PHC3: variants seen among roughly 807,000 people sequenced by gnomAD.
PHC3 encodes the protein polyhomeotic homolog 3, also known as polyhomeotic-like protein 3.
Under a neutral mutation model 107.4 loss-of-function variants are expected in PHC3, and 13 were observed. The ratio of observed to expected loss-of-function variants is 0.12; its 90% CI spans 0.08 to 0.19. The LOEUF (loss-of-function observed/expected upper bound fraction) is 0.19, where lower values mean the gene tolerates loss of function less well. Ranked by LOEUF, PHC3 falls within the 10% of genes least tolerant of loss-of-function variation. The probability of loss-of-function intolerance (pLI) is 1.00; values close to 1 mark genes in which losing one functional copy is unlikely to be tolerated. For synonymous variants in PHC3, 456 were observed against 427.4 expected (o/e 1.07, Z -0.83); for missense variants, 992 against 1,210.9 (o/e 0.82, Z 2.68).
chr3:170,163,944 A>G (rs895154790), intron 4 of PHC3, among the ~76,000 whole-genome samples: 2 of 151,830 alleles, frequency 1.3e-5, no homozygotes, highest in Non-Finnish European at 2.9e-5. Context: ...TCACGCCTAT[A>G]ATCTCAGCAT....
At chr3:170,115,561 A>C (rs1236253017) in intron 10 of PHC3, among the ~76,000 whole-genome samples, 2 of 152,200 alleles carry the variant, frequency 1.3e-5, no homozygotes, top group Non-Finnish European at 2.9e-5. Context: ...TGCCCTGTAC[A>C]TTTCCCAAAT....
chr3:170,180,752 G>C (rs747042399), intron 1 of PHC3, among the ~76,000 whole-genome samples: 1 of 152,108 alleles, frequency 6.6e-6, no homozygotes, highest in Non-Finnish European at 1.5e-5. Context: ...TTTTAAAAGT[G>C]TTAATCTGCT....
rs142168041 is a variant in PHC3 at position 170,156,902 on chromosome 3, C to T, written c.415-7658G>A. On this transcript the variant is annotated intron_variant, in intron 4 of 14. Coordinates refer to ENST00000495893, the MANE Select transcript of PHC3 (RefSeq NM_024947.4). ...GAGCCACCGTACCCTGCTGAGACTA[C>T]GTGTTTTTTAATAAATCAAAGAAAT... Among the ~76,000 whole-genome samples the T allele has an allele frequency of 3.3e-3, 495 of 152,204 alleles. 4 individuals are homozygous for T. The highest frequency in any genetic ancestry group is 0.011 in the African/African-American group (469 of 41,520).
chr3:170,170,545 A>T (rs1016041165), intron 4 of PHC3: 4 of 152,072 alleles, frequency 2.6e-5, no homozygotes, highest in Non-Finnish European at 5.9e-5. Context: ...TCCTGAATTT[A>T]GTAATTTTTC....
At chr3:170,101,227 T>G (rs146472507) in intron 14 of PHC3, among the ~76,000 whole-genome samples, 1 of 152,220 alleles carries the variant, frequency 6.6e-6, no homozygotes, top group African/African-American at 2.4e-5. Context: ...CTTTAAACAA[T>G]TCCATCTTTC....
intron 4 of PHC3, among the ~76,000 whole-genome samples, chr3:170,164,405 A>T (rs1728408304): frequency 6.6e-6 from 1 of 152,214 alleles, no homozygotes; most frequent in Non-Finnish European, 1.5e-5. Flanking sequence ...CTCAGAGATG[A>T]CCACTAATAA....
chr3:170,088,677 CA>C lies in PHC3; in HGVS notation c.*8552del, dbSNP rs937596955. ...TGGAATACATATTTTAACAGCATAA[CA>C]TATTTGAAGAATTAGTTACACTTTA... On this transcript the variant is annotated 3_prime_UTR_variant, in exon 15 of 15. Transcript: ENST00000495893. 6.6e-6 allele frequency: 1 copy of C among 152,118 alleles called. No homozygotes were observed. Among genetic ancestry groups the C allele is most frequent in the Non-Finnish European group, 1.5e-5 (1 of 68,012 alleles). 9.4% of individuals were successfully genotyped at this position (152,118 alleles called of 1,614,324 possible).
chr3:170,103,443 A>G (rs1236379352), intron 12 of PHC3, among the ~76,000 whole-genome samples: 1 of 152,252 alleles, frequency 6.6e-6, no homozygotes, highest in African/African-American at 2.4e-5. Context: ...ATGAAAATGT[A>G]AAGTGGAGAT....
At chr3:170,163,364 G>A (rs1405668130) in intron 4 of PHC3, among the ~76,000 whole-genome samples, 1 of 152,040 alleles carries the variant, frequency 6.6e-6, no homozygotes, top group Non-Finnish European at 1.5e-5. Flanking sequence ...GAAAGAGAAT[G>A]ACATATACAT....
intron 4 of PHC3, among the ~76,000 whole-genome samples, chr3:170,157,489 G>A (rs1727072761): frequency 6.6e-6 from 1 of 152,160 alleles, no homozygotes; most frequent in Admixed American, 6.5e-5. Context: ...AAATATTCAG[G>A]CTACAGTTTT....
intron 7 of PHC3, among the ~76,000 whole-genome samples, chr3:170,133,736 C>T (rs1722619561): frequency 6.6e-6 from 1 of 152,114 alleles, no homozygotes; most frequent in Non-Finnish European, 1.5e-5. Context: ...TCCATACTTA[C>T]ACAAGATATT....
At chr3:170,106,977 G>A in intron 11 of PHC3, 31 bp from the exon 12 acceptor site, 1 of 1,532,368 alleles carries the variant, frequency 6.5e-7, no homozygotes, top group Non-Finnish European at 8.9e-7. Context: ...GGAAAAAAAG[G>A]TTCCAAAAAT....
In PHC3 at chr3:170,128,955, G is replaced by A. The variant is rs187507111; in HGVS notation, c.1517C>T (p.Ser506Phe). Residue 506 changes from serine to phenylalanine, a missense_variant, in exon 8 of 15, where the codon TCC becomes TTC. By Grantham distance (155) the Ser-to-Phe change is radical (BLOSUM62 -2). Around this residue, in one of 6 missense-constraint regions of PHC3, gnomAD observed 543 missense variants for 590.8 expected, o/e 0.92. Coordinates refer to ENST00000495893, the MANE Select transcript of PHC3 (RefSeq NM_024947.4). ...AGGACTTGCAATTGGGATTGGAGAGGACTGCAGGGATGAATATTGCTGGTG... is the reference window on the plus strand; with the variant it reads ...AGGACTTGCAATTGGGATTGGAGAGAACTGCAGGGATGAATATTGCTGGTG... ...PSHQQYSSLQ[S>F]SPIPIASPPQ... The A allele has an allele frequency of 1.2e-6, 2 of 1,614,024 alleles. No individual in the cohort carries two copies. Among genetic ancestry groups the A allele is most frequent in the East Asian group, 2.2e-5 (1 of 44,868 alleles).
Position 170,181,703 on chromosome 3 carries a change from C to G in PHC3, c.13G>C (p.Glu5Gln), listed in dbSNP as rs1218539089. The G allele has an allele frequency of 1.9e-6, 3 of 1,613,332 alleles. No individual in the cohort carries two copies. Among genetic ancestry groups the G allele is most frequent in the Non-Finnish European group, 2.5e-6 (3 of 1,179,844 alleles). The change falls in exon 1 of 15, where the codon GAA (glutamate) becomes CAA (glutamine). Residue 5 changes from glutamate (E) to glutamine (Q), a missense_variant and splice_region_variant. By Grantham distance (29) the Glu-to-Gln change is conservative (BLOSUM62 2). This residue lies in a region of PHC3 where 161 missense variants were observed against 183.7 expected (regional missense o/e 0.88). Transcript: ENST00000495893. MAEA[E>Q]FKDHSTAMDT... ...ATCAGTCACCATCTAGTCACTCACT[C>G]CGCTTCCGCCATCTTCTCTCCTCCA...
rs549131786 is a variant in PHC3 at position 170,090,789 on chromosome 3, T to C, written c.*6441A>G. 2.6e-5 allele frequency: 4 copies of C among 152,280 alleles called. No individual in the cohort carries two copies. Among genetic ancestry groups the C allele is most frequent in the African/African-American group, 7.2e-5 (3 of 41,546 alleles). The allele number at this position is 152,280 out of a possible 1,614,324, so 9.4% of individuals were successfully genotyped here. ...AAAACAGCTGAGTAATTGCCCAACA[T>C]GTCACACACAGCTAACCCACTGAAA... is the stretch of plus-strand genomic sequence containing the variant. On this transcript the variant is annotated 3_prime_UTR_variant, in exon 15 of 15. Transcript: ENST00000495893.
chr3:170,126,522 A>ATTTTTTTTTTTTTTTTTT (rs1448527939), intron 8 of PHC3, among the ~76,000 whole-genome samples: 1 of 80,760 alleles, frequency 1.2e-5, no homozygotes, highest in Non-Finnish European at 2.4e-5. Flanking sequence ...ATATATATAT[A>ATTTTTTTTTTTTTTTTTT]TATATATTTT....
chr3:170,121,434 G>T (rs1720283845), intron 9 of PHC3, among the ~76,000 whole-genome samples: 1 of 152,144 alleles, frequency 6.6e-6, no homozygotes, highest in Non-Finnish European at 1.5e-5. Context: ...AAAATACCTA[G>T]AATACACAGT....
intron 6 of PHC3, among the ~76,000 whole-genome samples, chr3:170,144,812 C>T (rs1432627711): frequency 6.7e-6 from 1 of 148,578 alleles, no homozygotes; most frequent in Admixed American, 6.6e-5. Context: ...CTCGAGCAAT[C>T]CTCCTGCCTC....
chr3:170,127,703 A>G (rs991205589), intron 8 of PHC3, among the ~76,000 whole-genome samples: 2 of 152,202 alleles, frequency 1.3e-5, no homozygotes, highest in Non-Finnish European at 2.9e-5. Context: ...TAGGTGATAA[A>G]ATCTCTTGGA....
Sources: allele counts gnomAD v4.1 joint callset (sites outside exome capture counted in the v4.1 genomes callset), GRCh38; gene constraint gnomAD v4.1.1; regional missense constraint gnomAD v4.1.1; transcripts MANE v1.5; gene names NCBI Gene and HGNC (gene_info 2026-07-23, HGNC 2026-07-21).